Variants in FRMD4A observed in about 807,000 individuals in gnomAD.
The protein encoded by FRMD4A is FERM domain-containing protein 4A.
A neutral mutation model predicts 129.1 loss-of-function variants in FRMD4A; 29 were observed. That is an observed-to-expected ratio of 0.22 (90% confidence interval 0.17 to 0.31). The LOEUF is 0.31. Ranked by LOEUF, FRMD4A falls within the 10% of genes least tolerant of loss-of-function variation. The pLI is 1.00. For missense variants in FRMD4A, 1,272 were observed against 1,375.8 expected (o/e 0.92, Z 1.19); for synonymous variants, 634 against 571.6 (o/e 1.11, Z -1.56).
Position 13,694,181 on chromosome 10 carries a change from C to T in FRMD4A, c.976-142G>A, listed in dbSNP as rs1318276664. ...GACTAATGTGCAGCATTTTTGTTTG[C>T]ATCCCTTGGCCTCATCATTAATCAC... On this transcript the variant is annotated intron_variant, in intron 14 of 24. Coordinates refer to ENST00000357447, the MANE Select transcript of FRMD4A (RefSeq NM_018027.5). 4 of 599,292 alleles carry T rather than the reference C, an allele frequency of 6.7e-6. No individual in the cohort carries two copies. In the East Asian group the frequency reaches 1.2e-4, roughly 19 times the overall value. 37.1% of individuals were successfully genotyped at this position (599,292 alleles called of 1,614,324 possible). A position where few individuals can be genotyped will look rare whatever the true frequency, so the allele number is the denominator to read the frequency against.
chr10:14,291,067 G>A (rs1237744914), intron 2 of FRMD4A, among the ~76,000 whole-genome samples: 3 of 152,230 alleles, frequency 2.0e-5, no homozygotes, highest in African/African-American at 4.8e-5. Flanking sequence ...CTTCCTGAGA[G>A]TGATACTATG....
At chr10:14,058,763 C>T (rs572429414) in intron 2 of FRMD4A, among the ~76,000 whole-genome samples, 29 of 152,230 alleles carry the variant, frequency 1.9e-4, no homozygotes, top group African/African-American at 6.3e-4. Context: ...CACAGGGTCC[C>T]GGTGACTACA....
intron 12 of FRMD4A, among the ~76,000 whole-genome samples, chr10:13,726,473 A>G (rs867433667): frequency 3.9e-5 from 6 of 152,202 alleles, no homozygotes; most frequent in Non-Finnish European, 7.3e-5. Flanking sequence ...ACGAAGTAGG[A>G]TCTCATAGAA....
chr10:14,098,345 C>G (rs935623653), intron 2 of FRMD4A, among the ~76,000 whole-genome samples: 1 of 151,034 alleles, frequency 6.6e-6, no homozygotes, highest in Non-Finnish European at 1.5e-5. Flanking sequence ...CAACATTTCT[C>G]AACATTTCCT....
At chr10:14,088,231 G>C (rs1297031326) in intron 2 of FRMD4A, among the ~76,000 whole-genome samples, 1 of 152,078 alleles carries the variant, frequency 6.6e-6, no homozygotes, top group Non-Finnish European at 1.5e-5. Context: ...AGGAACGCTT[G>C]ATTCCAGGGA....
At chr10:14,290,672 G>T (rs1291900411) in intron 2 of FRMD4A, among the ~76,000 whole-genome samples, 2 of 152,046 alleles carry the variant, frequency 1.3e-5, no homozygotes, top group Non-Finnish European at 2.9e-5. Flanking sequence ...ATTGGGCTTG[G>T]CAATAATTTC....
chr10:13,930,493 G>A (rs549517348), intron 2 of FRMD4A, among the ~76,000 whole-genome samples: 74 of 152,296 alleles, frequency 4.9e-4, no homozygotes, highest in Non-Finnish European at 8.4e-4. Flanking sequence ...TGATGGCCGC[G>A]GAGGCTCAGG....
At chr10:14,173,646 C>T (rs1267280201) in intron 2 of FRMD4A, among the ~76,000 whole-genome samples, 1 of 152,150 alleles carries the variant, frequency 6.6e-6, no homozygotes, top group Non-Finnish European at 1.5e-5. Context: ...ACTCCTCCTG[C>T]TAAACAGCAA....
intron 2 of FRMD4A, among the ~76,000 whole-genome samples, chr10:14,128,927 A>C (rs1372695530): frequency 1.3e-5 from 2 of 152,128 alleles, no homozygotes; most frequent in African/African-American, 4.8e-5. Flanking sequence ...GGATGCATGG[A>C]TGGGTGCCTG....
At chr10:14,282,466 C>T (rs904402272) in intron 2 of FRMD4A, among the ~76,000 whole-genome samples, 1 of 152,086 alleles carries the variant, frequency 6.6e-6, no homozygotes, top group South Asian at 2.1e-4. Context: ...AATCGCCTTG[C>T]GTTAGCCGTG....
At chr10:13,772,718 C>T (rs540068826) in intron 6 of FRMD4A, among the ~76,000 whole-genome samples, 1 of 152,250 alleles carries the variant, frequency 6.6e-6, no homozygotes, top group South Asian at 2.1e-4. Flanking sequence ...AGACAAAGTT[C>T]ATATTTTCTC....
chr10:13,881,704 T>C (rs1231227352), intron 2 of FRMD4A, among the ~76,000 whole-genome samples: 2 of 152,000 alleles, frequency 1.3e-5, no homozygotes, highest in East Asian at 3.9e-4. Flanking sequence ...ACAAAGAAGA[T>C]ACGGTCCTAC....
At chr10:14,140,297 A>C (rs2131840733) in intron 2 of FRMD4A, among the ~76,000 whole-genome samples, 1 of 152,270 alleles carries the variant, frequency 6.6e-6, no homozygotes, top group Admixed American at 6.5e-5. Flanking sequence ...TCCTGACCTC[A>C]AGTGATCCAC....
intron 2 of FRMD4A, among the ~76,000 whole-genome samples, chr10:13,892,969 T>C (rs1378243418): frequency 6.6e-6 from 1 of 151,968 alleles, no homozygotes; most frequent in Non-Finnish European, 1.5e-5. Context: ...AGAAAGGGAA[T>C]TGGGCATACA....
chr10:14,306,036 T>C (rs533481383), intron 2 of FRMD4A, among the ~76,000 whole-genome samples: 1 of 152,292 alleles, frequency 6.6e-6, no homozygotes, highest in South Asian at 2.1e-4. Flanking sequence ...TAAGGCTTAA[T>C]ACCTAGGTGA....
At chr10:13,789,572 A>ACACACACACACACG (rs1554898501) in intron 5 of FRMD4A, among the ~76,000 whole-genome samples, 2 of 148,850 alleles carry the variant, frequency 1.3e-5, no homozygotes, top group African/African-American at 5.1e-5. Flanking sequence ...ACACACACAC[A>ACACACACACACACG]CACACACACA....
At chr10:13,911,131 C>T (rs1565021568) in intron 2 of FRMD4A, among the ~76,000 whole-genome samples, 1 of 152,146 alleles carries the variant, frequency 6.6e-6, no homozygotes, top group Non-Finnish European at 1.5e-5. Flanking sequence ...ATCCTGACTA[C>T]AGCTTTGAAA....
intron 6 of FRMD4A, among the ~76,000 whole-genome samples, chr10:13,768,984 G>T (rs2092371972): frequency 8.0e-6 from 1 of 124,394 alleles, no homozygotes; most frequent in Non-Finnish European, 1.6e-5. Context: ...AACTTTACTA[G>T]ATTTTTTTTT....
At chr10:14,059,932 T>C (rs80134527) in intron 2 of FRMD4A, among the ~76,000 whole-genome samples, 7,591 of 152,280 alleles carry the variant, frequency 0.05, 319 homozygotes, top group East Asian at 0.13. Context: ...CTAGATGCTA[T>C]TATTACACCA....
Sources: gnomAD v4.1 joint callset for allele counts (sites outside exome capture counted in the v4.1 genomes callset) on GRCh38, gnomAD v4.1.1 for gene constraint, MANE v1.5 for transcripts, NCBI Gene and HGNC (gene_info 2026-07-23, HGNC 2026-07-21) for gene names.